Variants in KIAA0825 observed in about 807,000 individuals in gnomAD.
The protein encoded by KIAA0825 is uncharacterized protein KIAA0825.
A neutral mutation model predicts 147.6 loss-of-function variants in KIAA0825; 119 were observed. That is an observed-to-expected ratio of 0.81 (90% confidence interval 0.69 to 0.94). KIAA0825 has a LOEUF of 0.94. Ranked by LOEUF, KIAA0825 falls within the 40% of genes least tolerant of loss-of-function variation. The probability of loss-of-function intolerance (pLI) is 0.00; values close to 1 mark genes in which losing one functional copy is unlikely to be tolerated. For missense variants in KIAA0825, 1,381 were observed against 1,472.7 expected, an observed-to-expected ratio of 0.94 and a Z score of 1.02; for synonymous variants, 470 against 518.1, an observed-to-expected ratio of 0.91 and a Z score of 1.26.
chr5:94,513,772 T>A (rs1385953527), intron 5 of KIAA0825, among the ~76,000 whole-genome samples: 1 of 151,852 alleles, frequency 6.6e-6, no homozygotes, highest in Non-Finnish European at 1.5e-5. Flanking sequence ...AAATATCCAG[T>A]CATTTTTCTC....
chr5:94,480,245 T>C (rs536177454), intron 6 of KIAA0825, among the ~76,000 whole-genome samples: 5 of 152,206 alleles, frequency 3.3e-5, no homozygotes, highest in Non-Finnish European at 5.9e-5. Flanking sequence ...TGGAAAACTA[T>C]TCCTCTAGTA....
intron 7 of KIAA0825, among the ~76,000 whole-genome samples, chr5:94,475,973 T>C (rs1315176763): frequency 6.6e-6 from 1 of 152,216 alleles, no homozygotes; most frequent in Admixed American, 6.5e-5. Context: ...ACTTACTAGT[T>C]GTTCCAAGAA....
intron 20 of KIAA0825, among the ~76,000 whole-genome samples, chr5:94,303,189 C>T (rs1258193761): frequency 6.6e-6 from 1 of 151,864 alleles, no homozygotes; most frequent in Non-Finnish European, 1.5e-5. Flanking sequence ...TAATTTTCAG[C>T]TTAACATGGA....
chr5:94,494,370 C>T (rs1320465806), intron 5 of KIAA0825, among the ~76,000 whole-genome samples: 4 of 126,000 alleles, frequency 3.2e-5, no homozygotes, highest in African/African-American at 1.2e-4. Context: ...TATCTAACTA[C>T]TGATGTGGCC....
chr5:94,189,387 G>A (rs184170317), intron 20 of KIAA0825, among the ~76,000 whole-genome samples: 134 of 152,220 alleles, frequency 8.8e-4, no homozygotes, highest in African/African-American at 3.1e-3. Flanking sequence ...TTCTTCAGAA[G>A]TTGAGTAGTT....
chr5:94,174,845 A>AT (rs1051237779), intron 20 of KIAA0825, among the ~76,000 whole-genome samples: 3 of 151,858 alleles, frequency 2.0e-5, no homozygotes, highest in South Asian at 2.1e-4. Flanking sequence ...ATACTTATGG[A>AT]TTTTTTTTCA....
intron 20 of KIAA0825, among the ~76,000 whole-genome samples, chr5:94,301,221 T>C (rs1437378203): frequency 6.6e-6 from 1 of 152,122 alleles, no homozygotes; most frequent in African/African-American, 2.4e-5. Flanking sequence ...AAATTCTATG[T>C]GGACATAAGT....
intron 20 of KIAA0825, among the ~76,000 whole-genome samples, chr5:94,374,809 C>T (rs954595732): frequency 6.6e-6 from 1 of 152,124 alleles, no homozygotes; most frequent in African/African-American, 2.4e-5. Flanking sequence ...GCCTTCCCTG[C>T]CTATTCCTAC....
intron 2 of KIAA0825, among the ~76,000 whole-genome samples, chr5:94,581,428 TA>T (rs903760000): frequency 3.3e-5 from 5 of 152,202 alleles, no homozygotes; most frequent in African/African-American, 7.2e-5. Flanking sequence ...ATGCATTTTT[TA>T]ATGACCCTGA....
At chr5:94,558,139 G>A (rs1003507127) in intron 2 of KIAA0825, among the ~76,000 whole-genome samples, 5 of 152,074 alleles carry the variant, frequency 3.3e-5, no homozygotes, top group South Asian at 2.1e-4. Context: ...AACACTCACC[G>A]CATGGCCCAA....
chr5:94,482,290 T>G (rs1005423782), intron 6 of KIAA0825, among the ~76,000 whole-genome samples: 4 of 152,072 alleles, frequency 2.6e-5, no homozygotes, highest in Non-Finnish European at 4.4e-5. Flanking sequence ...TTTTTATATT[T>G]TCTCTATGTG....
intron 1 of KIAA0825, among the ~76,000 whole-genome samples, chr5:94,615,087 C>T (rs1338411833): frequency 1.3e-5 from 2 of 150,458 alleles, no homozygotes; most frequent in African/African-American, 2.4e-5. Flanking sequence ...AAAAGCATGG[C>T]TGTGATTTTT....
chr5:94,474,750 T>G (rs1761652967), intron 7 of KIAA0825, among the ~76,000 whole-genome samples: 2 of 152,150 alleles, frequency 1.3e-5, no homozygotes, highest in African/African-American at 4.8e-5. Context: ...CTGAAGATTA[T>G]TTGGATCTCA....
chr5:94,562,996 C>T (rs916140797), intron 2 of KIAA0825, among the ~76,000 whole-genome samples: 5 of 152,020 alleles, frequency 3.3e-5, no homozygotes, highest in Middle Eastern at 3.4e-3. Flanking sequence ...AAAATTTTAC[C>T]CGTAGACACT....
intron 18 of KIAA0825, 85 bp from the exon 19 acceptor site, chr5:94,386,489 C>G: frequency 9.0e-7 from 1 of 1,115,898 alleles, no homozygotes; most frequent in Non-Finnish European, 1.3e-6. Context: ...CAAATTTATC[C>G]TTTCAGCACA....
intron 1 of KIAA0825, among the ~76,000 whole-genome samples, chr5:94,586,074 A>G (rs1386079872): frequency 6.6e-6 from 1 of 152,218 alleles, no homozygotes; most frequent in African/African-American, 2.4e-5. Flanking sequence ...CTAAATGCCC[A>G]CAAGAGAAAG....
At chr5:94,564,509 C>T (rs1454318094) in intron 2 of KIAA0825, among the ~76,000 whole-genome samples, 3 of 125,636 alleles carry the variant, frequency 2.4e-5, no homozygotes, top group African/African-American at 9.7e-5. Context: ...TATCGACTAC[C>T]GGCATGAGCC....
At chr5:94,598,476 G>T (rs1171820004) in intron 1 of KIAA0825, among the ~76,000 whole-genome samples, 2 of 151,950 alleles carry the variant, frequency 1.3e-5, no homozygotes, top group Non-Finnish European at 2.9e-5. Flanking sequence ...TGAAGGACTT[G>T]CTTGAAGCTG....
chr5:94,211,296 C>G (rs957866264), intron 20 of KIAA0825, among the ~76,000 whole-genome samples: 1 of 152,122 alleles, frequency 6.6e-6, no homozygotes, highest in Non-Finnish European at 1.5e-5. Flanking sequence ...TTCTTGGTAC[C>G]AATAACTCAG....
Sources: allele counts gnomAD v4.1 joint callset (sites outside exome capture counted in the v4.1 genomes callset), GRCh38; gene constraint gnomAD v4.1.1; transcripts MANE v1.5; gene names NCBI Gene and HGNC (gene_info 2026-07-23, HGNC 2026-07-21).